KALRN: variants seen among roughly 807,000 people sequenced by gnomAD.
KALRN encodes kalirin RhoGEF kinase, also known as kalirin.
KALRN carries 70 observed loss-of-function variants against 353.7 expected under a neutral mutation model. The observed-to-expected ratio is 0.20, with a 90% CI of 0.16 to 0.24. The LOEUF is 0.24. Ranked by LOEUF, KALRN falls within the 10% of genes least tolerant of loss-of-function variation. KALRN has a pLI of 1.00. For synonymous variants in KALRN, 1,391 were observed against 1,434.8 expected, an observed-to-expected ratio of 0.97 and a Z score of 0.69; for missense variants, 2,791 against 3,756.7, an observed-to-expected ratio of 0.74 and a Z score of 6.72.
intron 57 of KALRN, among the ~76,000 whole-genome samples, chr3:124,709,259 C>A (rs1002295420): frequency 2.0e-5 from 3 of 152,046 alleles, no homozygotes; most frequent in South Asian, 4.2e-4. Context: ...GAAAACAGAA[C>A]CTTTTTTAAA....
intron 34 of KALRN, among the ~76,000 whole-genome samples, chr3:124,631,930 G>A (rs1420416463): frequency 6.6e-6 from 1 of 152,208 alleles, no homozygotes; most frequent in Non-Finnish European, 1.5e-5. Context: ...CTTCCGCCCA[G>A]AAGGCCCTTC....
intron 1 of KALRN, among the ~76,000 whole-genome samples, chr3:124,192,031 G>A (rs2074973688): frequency 6.6e-6 from 1 of 152,212 alleles, no homozygotes. Context: ...ACCCCCTAGG[G>A]GACTACTGTT....
At chr3:124,586,916 G>A (rs1419059190) in intron 34 of KALRN, among the ~76,000 whole-genome samples, 1 of 152,164 alleles carries the variant, frequency 6.6e-6, no homozygotes, top group Admixed American at 6.5e-5. Flanking sequence ...TGTTGGGCAT[G>A]CCCTGAGGCT....
At chr3:124,446,419 C>G (rs1361231081) in intron 20 of KALRN, 143 bp downstream of exon 20, 4 of 643,774 alleles carry the variant, frequency 6.2e-6, no homozygotes, top group Non-Finnish European at 1.1e-5. Context: ...AGGTTGTCAC[C>G]TGTCAGCAGT....
intron 51 of KALRN, among the ~76,000 whole-genome samples, chr3:124,686,606 T>C (rs1194766425): frequency 6.6e-6 from 1 of 151,970 alleles, no homozygotes; most frequent in Non-Finnish European, 1.5e-5. Flanking sequence ...GTTAGTTATG[T>C]AGGAAGAGCT....
intron 33 of KALRN, among the ~76,000 whole-genome samples, chr3:124,516,275 G>A (rs1020121720): frequency 4.6e-5 from 7 of 152,090 alleles, no homozygotes; most frequent in African/African-American, 9.7e-5. Context: ...ATTAAGAACC[G>A]CTTTGAAGTC....
intron 1 of KALRN, among the ~76,000 whole-genome samples, chr3:124,155,628 A>G (rs1177172956): frequency 1.3e-5 from 2 of 152,244 alleles, no homozygotes; most frequent in East Asian, 3.8e-4. Flanking sequence ...CATCCTCTCC[A>G]TTAGAAGATG....
chr3:124,658,276 G>T (rs937607649), intron 41 of KALRN, among the ~76,000 whole-genome samples, 155 bp from the exon 42 acceptor site: 17 of 152,010 alleles, frequency 1.1e-4, no homozygotes, highest in African/African-American at 3.6e-4. Flanking sequence ...AGTGGCTCTT[G>T]CCCACCACAT....
intron 5 of KALRN, among the ~76,000 whole-genome samples, chr3:124,278,630 G>T (rs1450963591): frequency 2.6e-5 from 4 of 152,056 alleles, no homozygotes; most frequent in Admixed American, 2.0e-4. Flanking sequence ...GTAGGGCAGT[G>T]CAGGGAAAAT....
chr3:124,458,638 G>A (rs528183044), intron 23 of KALRN, among the ~76,000 whole-genome samples: 1 of 152,162 alleles, frequency 6.6e-6, no homozygotes, highest in South Asian at 2.1e-4. Flanking sequence ...TATTGATCAA[G>A]AAAAGCTTAT....
intron 51 of KALRN, among the ~76,000 whole-genome samples, chr3:124,680,056 T>C (rs571502202): frequency 3.9e-5 from 6 of 152,328 alleles, no homozygotes; most frequent in South Asian, 2.1e-4. Context: ...GTAGAGCTGA[T>C]AGCAAATAAG....
At chr3:124,556,641 C>G (rs1181253923) in intron 33 of KALRN, among the ~76,000 whole-genome samples, 7 of 152,198 alleles carry the variant, frequency 4.6e-5, no homozygotes, top group African/African-American at 1.7e-4. Flanking sequence ...TTTCTCCCCT[C>G]AAAGTGTTAC....
At chr3:124,236,788 A>T (rs2079828207) in intron 3 of KALRN, among the ~76,000 whole-genome samples, 1 of 152,224 alleles carries the variant, frequency 6.6e-6, no homozygotes, top group African/African-American at 2.4e-5. Flanking sequence ...GGTCATGAAA[A>T]AGGTGGAATA....
At chr3:124,147,265 G>C (rs1578606072) in intron 1 of KALRN, among the ~76,000 whole-genome samples, 1 of 152,128 alleles carries the variant, frequency 6.6e-6, no homozygotes, top group Non-Finnish European at 1.5e-5. Flanking sequence ...TGCCCATCCA[G>C]ACATTCCAGA....
At chr3:124,109,029 C>T (rs1196320424) in intron 1 of KALRN, among the ~76,000 whole-genome samples, 1 of 152,134 alleles carries the variant, frequency 6.6e-6, no homozygotes, top group African/African-American at 2.4e-5. Context: ...CCTGCTTCTC[C>T]TTCTCCTGCT....
chr3:124,657,390 T>C, intron 39 of KALRN, 58 bp from the exon 40 acceptor site: 1 of 1,190,668 alleles, frequency 8.4e-7, no homozygotes, highest in Non-Finnish European at 1.3e-6. Flanking sequence ...GTGTGTGGCA[T>C]GGCCCAGAAA....
intron 43 of KALRN, 112 bp downstream of exon 43, chr3:124,659,569 G>A: frequency 1.4e-6 from 1 of 720,478 alleles, no homozygotes; most frequent in East Asian, 2.6e-5. Context: ...TGTCCCAAAG[G>A]ACTGTGAACT....
At position 124,033,942 on chromosome 3, in the gene KALRN, C is replaced by T. The variant is rs890646635; in HGVS notation, c.73+129C>T. On this transcript the variant is annotated intron_variant, in intron 1 of 59. Transcript: ENST00000682506. The surrounding 1 kb of genome is among the most constrained non-coding windows in gnomAD (Gnocchi z 6.2). The stretch of plus-strand genomic sequence containing the variant: ...TTGGGGGGCAGTGCCCCCTCGGCGT[C>T]GGGGCTGGAGTTGCCGAGATTCTGG... Among the ~76,000 whole-genome samples, 14 of 152,068 alleles carry T rather than the reference C, an allele frequency of 9.2e-5. No homozygotes were observed. Among genetic ancestry groups the T allele is most frequent in the African/African-American group, 3.4e-4 (14 of 41,422 alleles).
At chr3:124,542,977 C>A (rs2069201302) in intron 33 of KALRN, among the ~76,000 whole-genome samples, 1 of 152,144 alleles carries the variant, frequency 6.6e-6, no homozygotes, top group African/African-American at 2.4e-5. Context: ...GGAGGTTTGA[C>A]TGGGGCTAGA....
Sources: allele counts gnomAD v4.1 joint callset (sites outside exome capture counted in the v4.1 genomes callset), GRCh38; gene constraint gnomAD v4.1.1; non-coding constraint Gnocchi (gnomAD v3.1); transcripts MANE v1.5; gene names NCBI Gene and HGNC (gene_info 2026-07-23, HGNC 2026-07-21).